Variants in KEL observed in about 807,000 individuals in gnomAD.
KEL encodes the protein kell blood group glycoprotein.
A neutral mutation model predicts 99.5 loss-of-function variants in KEL; 96 were observed. The observed-to-expected ratio is 0.97, with a 90% CI of 0.82 to 1.14. The LOEUF is 1.14. Among genes scored for constraint, KEL ranks in the 50% most tolerant of loss-of-function variants. The probability of loss-of-function intolerance (pLI) is 0.00; values close to 1 mark genes in which losing one functional copy is unlikely to be tolerated. For missense variants in KEL, 926 were observed against 924.2 expected (o/e 1.00, Z -0.03); for synonymous variants, 355 against 354.8 (o/e 1.00, Z -0.01).
chr7:142,961,184 G>T, intron 3 of KEL, 80 bp from the exon 4 acceptor site: 1 of 1,542,052 alleles, frequency 6.5e-7, no homozygotes. Context: ...AAGAACATCA[G>T]GTGAGTAACT....
chr7:142,944,754 G>C lies in KEL; in HGVS notation c.1315-13C>G. 6.2e-7 allele frequency: 1 copy of C among 1,601,160 alleles called. No individual in the cohort carries two copies. Among genetic ancestry groups the C allele is most frequent in the South Asian group, 1.1e-5 (1 of 90,674 alleles). Reference sequence around the variant, plus strand: ...ATAATTTCATGGCCTGTGGGAGTGAGGTCCAGGGACAGGGGGACAGGATCA... The same window carrying C: ...ATAATTTCATGGCCTGTGGGAGTGACGTCCAGGGACAGGGGGACAGGATCA... On this transcript the variant is annotated splice_polypyrimidine_tract_variant and intron_variant, in intron 11 of 18. Coordinates refer to ENST00000355265, the MANE Select transcript of KEL (RefSeq NM_000420.3).
Position 142,952,636 on chromosome 7 carries a change from T to C in KEL, c.1076A>G (p.Asp359Gly). 2 of 1,613,860 alleles carry C rather than the reference T, an allele frequency of 1.2e-6. No individual in the cohort carries two copies. Among genetic ancestry groups the C allele is most frequent in the Non-Finnish European group, 1.7e-6 (2 of 1,179,972 alleles). Residue 359 changes from aspartate to glycine, a missense_variant and splice_region_variant, in exon 10 of 19, where the codon GAC becomes GGC. Asp to Gly is a moderately conservative substitution (Grantham distance 94). Transcript: ENST00000355265. ...LVEEMLLKQR[D>G]FLQSHMILGL... ...TAAGATCATGTGGCTCTGCAGAAAG[T>C]CCCTATGGAGACAAAAGAGACCCAC...
rs1796783139 is a variant in KEL at position 142,954,666 on chromosome 7, A to AAGAAAGGG, written c.673-147_673-140dup. ...TGGACAGAAGAGAAGCAAGAGTACA[A>AAGAAAGGG]AGAAAGGGAGGGATTAAGGGTTGAG... On this transcript the variant is annotated intron_variant, in intron 6 of 18. Transcript: ENST00000355265. 6 of 800,788 alleles carry AAGAAAGGG rather than the reference A, an allele frequency of 7.5e-6. No homozygotes were observed. In the Admixed American group the frequency reaches 8.8e-5, roughly 12 times the overall value. 49.6% of individuals were successfully genotyped at this position (800,788 alleles called of 1,614,324 possible).
chr7:142,962,235 T>C lies in KEL; in HGVS notation c.-29A>G. Reference sequence around the variant, plus strand: ...TCTATCTTCTGTGGCTCCAGAATCCTTCCTGGTTCCACTCTAGGAGCTGAT... The same window carrying C: ...TCTATCTTCTGTGGCTCCAGAATCCCTCCTGGTTCCACTCTAGGAGCTGAT... On this transcript the variant is annotated 5_prime_UTR_variant, in exon 1 of 19. Transcript: ENST00000355265. 2 of 1,614,012 alleles carry C rather than the reference T, an allele frequency of 1.2e-6. No individual in the cohort carries two copies. The highest frequency in any genetic ancestry group is 1.7e-6 in the Non-Finnish European group (2 of 1,179,854).
At position 142,943,539 on chromosome 7, in the gene KEL, T is replaced by C; in HGVS notation, c.1650A>G (p.Val550=). The C allele has an allele frequency of 6.2e-7, 1 of 1,614,164 alleles. No homozygotes were observed. The highest frequency in any genetic ancestry group is 8.5e-7 in the Non-Finnish European group (1 of 1,180,016). The change falls in exon 15 of 19, where the codon GTA becomes GTG. Residue 550 remains valine, a synonymous_variant. Coordinates refer to ENST00000355265, the MANE Select transcript of KEL (RefSeq NM_000420.3). The part of the protein sequence containing the change: ...NAYYSVSDHV[V]VFPAGLLQPP... Reference sequence around the variant, plus strand: ...GTTGGAGGAGTCCAGCTGGAAAGACTACCACATGGTCAGATACCGAATAGT... The same window carrying C: ...GTTGGAGGAGTCCAGCTGGAAAGACCACCACATGGTCAGATACCGAATAGT...
chr7:142,958,336 C>A lies in KEL; in HGVS notation c.493G>T (p.Gly165Trp). 6.2e-7 allele frequency: 1 copy of A among 1,614,160 alleles called. No individual in the cohort carries two copies. The highest frequency in any genetic ancestry group is 8.5e-7 in the Non-Finnish European group (1 of 1,180,018). Reference sequence around the variant, plus strand: ...ATAACTTGTCTGAGGGGACCAGTCCCTGCAGCTTCAATGGCAAGTGTATCC... The same window carrying A: ...ATAACTTGTCTGAGGGGACCAGTCCATGCAGCTTCAATGGCAAGTGTATCC... ...CMDTLAIEAA[G>W]TGPLRQVIEE... The change falls in exon 5 of 19, where the codon GGG (glycine) becomes TGG (tryptophan). Residue 165 changes from glycine to tryptophan, a missense_variant. By Grantham distance (184) the Gly-to-Trp change is radical. Coordinates refer to ENST00000355265, the MANE Select transcript of KEL (RefSeq NM_000420.3).
intron 18 of KEL, among the ~76,000 whole-genome samples, chr7:142,941,709 G>A (rs1796360721): frequency 6.6e-6 from 1 of 152,092 alleles, no homozygotes; most frequent in Admixed American, 6.5e-5. Context: ...TGAGTCTGTT[G>A]AGGGAGTACA....
rs757493985 is a variant in KEL at position 142,954,257 on chromosome 7, T to C, written c.851A>G (p.Gln284Arg). ...LSISITSRLF[Q>R]FLRPLEQRRA... ...CCGCTGCTCCAGGGGCCTCAGAAAC[T>C]GGAACAGCCGTGAAGTGATGGAGAT... Residue 284 changes from glutamine to arginine, a missense_variant, in exon 8 of 19, where the codon CAG (glutamine) becomes CGG (arginine). Gln to Arg is a conservative substitution (Grantham distance 43). Transcript: ENST00000355265. 2 of 1,613,952 alleles carry C rather than the reference T, an allele frequency of 1.2e-6. No individual in the cohort carries two copies.
At chr7:142,961,544 G>A (rs1326113256) in intron 2 of KEL, 43 bp from the exon 3 acceptor site, 4 of 1,562,818 alleles carry the variant, frequency 2.6e-6, no homozygotes, top group Non-Finnish European at 2.6e-6. Flanking sequence ...GATGGGGGTT[G>A]AGAGACAGGG....
At chr7:142,943,982 C>T in intron 13 of KEL, 99 bp from the exon 14 acceptor site, 1 of 983,420 alleles carries the variant, frequency 1.0e-6, no homozygotes, top group South Asian at 1.4e-5. Flanking sequence ...CAGGCAAGCC[C>T]TGACAGGCAG....
chr7:142,943,834 G>C lies in KEL; in HGVS notation c.1541C>G (p.Ser514Cys). The change falls in exon 14 of 19, where the codon TCC (serine) becomes TGC (cysteine). Residue 514 changes from serine to cysteine, a missense_variant. Transcript: ENST00000355265. ...FLQSVLSCVR[S>C]LRARIVQSFL... ...GCTCTGGACAATTCTAGCTCGGAGG[G>C]ACCGGACACAGCTCAGGACAGACTG... The C allele has an allele frequency of 6.2e-7, 1 of 1,614,182 alleles. No individual in the cohort carries two copies. The highest frequency in any genetic ancestry group is 1.1e-5 in the South Asian group (1 of 91,088).
intron 6 of KEL, among the ~76,000 whole-genome samples, chr7:142,955,383 T>A (rs921637763): frequency 7.9e-5 from 12 of 152,314 alleles, no homozygotes; most frequent in Middle Eastern, 3.4e-3. Context: ...AATAAAAAAA[T>A]TAGTATTTTC....
At position 142,941,412 on chromosome 7, in the gene KEL, A is replaced by C; in HGVS notation, c.2039T>G (p.Val680Gly). 1 of 1,592,708 alleles carries C rather than the reference A, an allele frequency of 6.3e-7. No individual in the cohort carries two copies. Among genetic ancestry groups the C allele is most frequent in the Non-Finnish European group, 8.6e-7 (1 of 1,166,418 alleles). Residue 680 changes from valine to glycine, a missense_variant and splice_region_variant, in exon 19 of 19, where the codon GTG (valine) becomes GGG (glycine). Coordinates refer to ENST00000355265, the MANE Select transcript of KEL (RefSeq NM_000420.3). ...CTGGGGGCTGGGCTTCCTACACATC[A>C]CCTGAGCAGGAAGAGAGGTCATTGA... ...QQIFFRSYAQ[V>G]MCRKPSPQDS...
chr7:142,952,293 C>T (rs952105691), intron 10 of KEL, among the ~76,000 whole-genome samples: 1 of 152,118 alleles, frequency 6.6e-6, no homozygotes, highest in African/African-American at 2.4e-5. Context: ...GGTAGTCAGG[C>T]TGGGAGATGT....
chr7:142,946,633 C>G (rs1336425090), intron 10 of KEL: 1 of 420,830 alleles, frequency 2.4e-6, no homozygotes. Flanking sequence ...AGAACCCAAA[C>G]TCATACCTCG....
chr7:142,941,525 C>G, intron 18 of KEL, 112 bp from the exon 19 acceptor site: 1 of 974,484 alleles, frequency 1.0e-6, no homozygotes, highest in Non-Finnish European at 1.5e-6. Flanking sequence ...GGATCAAGTG[C>G]CCCAAGGGCC....
Position 142,952,414 on chromosome 7 carries a change from C to T in KEL, c.1203+95G>A, listed in dbSNP as rs1268366936. The T allele has an allele frequency of 2.0e-6, 3 of 1,488,706 alleles. No individual in the cohort carries two copies. In the African/African-American group the frequency reaches 4.2e-5, roughly 21 times the overall value. 92.2% of individuals were successfully genotyped at this position (1,488,706 alleles called of 1,614,324 possible). ...CATGGAGGGGCATCTACCATCACGG[C>T]CCCCTCCCTGAGAGAGAGATGCCGA... On this transcript the variant is annotated intron_variant, in intron 10 of 18. Transcript: ENST00000355265.
At chr7:142,954,117 G>T in intron 8 of KEL, 67 bp downstream of exon 8, 1 of 1,466,952 alleles carries the variant, frequency 6.8e-7, no homozygotes, top group Non-Finnish European at 9.4e-7. Context: ...GAGGAAGAAG[G>T]AAAGGAGGTA....
At position 142,943,899 on chromosome 7, in the gene KEL, G is replaced by A; in HGVS notation, c.1492-16C>T. 6.2e-7 allele frequency: 1 copy of A among 1,607,706 alleles called. No homozygotes were observed. The highest frequency in any genetic ancestry group is 1.3e-5 in the African/African-American group (1 of 74,938). The stretch of plus-strand genomic sequence containing the variant: ...CAAGCTGTATCTGGGGAAGAGGCAG[G>A]AGGTGACTTGGGCACACAGAGACTT... On this transcript the variant is annotated splice_polypyrimidine_tract_variant and intron_variant, in intron 13 of 18. Coordinates refer to ENST00000355265, the MANE Select transcript of KEL (RefSeq NM_000420.3).
Sources: gnomAD v4.1 joint callset for allele counts (sites outside exome capture counted in the v4.1 genomes callset) on GRCh38, gnomAD v4.1.1 for gene constraint, MANE v1.5 for transcripts, NCBI Gene and HGNC (gene_info 2026-07-23, HGNC 2026-07-21) for gene names.